SNX7: variants seen among roughly 807,000 people sequenced by gnomAD.
SNX7 encodes the protein sorting nexin 7.
A neutral mutation model predicts 48.4 loss-of-function variants in SNX7; 35 were observed. That is an observed-to-expected ratio of 0.72 (90% CI 0.55 to 0.96). The LOEUF (loss-of-function observed/expected upper bound fraction) is 0.96. SNX7 is among the 40% of genes least tolerant of loss of function. The pLI, the probability that SNX7 is intolerant of heterozygous loss-of-function variation, is 0.00. For synonymous variants in SNX7, 190 were observed against 190.2 expected (o/e 1.00, Z 0.01); for missense variants, 553 against 548.9 (o/e 1.01, Z -0.07).
intron 7 of SNX7, among the ~76,000 whole-genome samples, chr1:98,726,373 G>A (rs1364478042): frequency 2.0e-5 from 3 of 152,170 alleles, no homozygotes; most frequent in Non-Finnish European, 2.9e-5. Context: ...AGTATAATCT[G>A]AGTCTTGACC....
At chr1:98,696,053 T>G (rs947623807) in intron 5 of SNX7, among the ~76,000 whole-genome samples, 2 of 152,200 alleles carry the variant, frequency 1.3e-5, no homozygotes, top group Non-Finnish European at 2.9e-5. Context: ...AAATAGGGTT[T>G]TCATATTTTC....
chr1:98,703,248 C>T (rs1048328466), intron 7 of SNX7, among the ~76,000 whole-genome samples: 3 of 152,088 alleles, frequency 2.0e-5, no homozygotes, highest in Non-Finnish European at 4.4e-5. Context: ...AGGCTTGAAG[C>T]ATGAAGTCTC....
chr1:98,662,786 T>C (rs1570472537), intron 1 of SNX7: 2 of 1,289,376 alleles, frequency 1.6e-6, no homozygotes, highest in South Asian at 1.2e-5. Context: ...CTAAGAAGCC[T>C]GTTCATTTTA....
At chr1:98,667,822 A>G (rs1430006951) in intron 1 of SNX7, among the ~76,000 whole-genome samples, 1 of 151,954 alleles carries the variant, frequency 6.6e-6, no homozygotes, top group African/African-American at 2.4e-5. Flanking sequence ...ACTAATGACG[A>G]TTACATGCCC....
chr1:98,717,032 A>G (rs952829733), intron 7 of SNX7, among the ~76,000 whole-genome samples: 1 of 152,036 alleles, frequency 6.6e-6, no homozygotes, highest in African/African-American at 2.4e-5. Flanking sequence ...CTTGGATTTC[A>G]TAATAAATTG....
intron 1 of SNX7, among the ~76,000 whole-genome samples, chr1:98,679,819 A>G (rs1017188280): frequency 3.0e-4 from 46 of 152,284 alleles, no homozygotes; most frequent in African/African-American, 2.6e-4. Context: ...TTTGCAGGGT[A>G]TAGCCTCCCA....
At position 98,665,978 on chromosome 1, in the gene SNX7, T is replaced by C. The variant is rs970925038; in HGVS notation, c.180+4067T>C. ...ATATGTATATATATATTTTTTTCTT[T>C]GTCAATTTGGAAATTCAGTATAGTG... On this transcript the variant is annotated intron_variant, in intron 1 of 8. Coordinates refer to ENST00000306121, the MANE Select transcript of SNX7 (RefSeq NM_015976.5). Among the ~76,000 whole-genome samples the C allele has an allele frequency of 4.6e-5, 7 of 152,320 alleles. 1 individual carries two copies. The South Asian group carries it at 1.5e-3, about 32-fold the overall frequency.
chr1:98,696,895 G>A (rs1651486482), intron 5 of SNX7, among the ~76,000 whole-genome samples: 1 of 152,038 alleles, frequency 6.6e-6, no homozygotes, highest in Non-Finnish European at 1.5e-5. Flanking sequence ...GTATCAAAGA[G>A]TAATTAAGAT....
chr1:98,716,129 T>C (rs575796757), intron 7 of SNX7, among the ~76,000 whole-genome samples: 33 of 152,282 alleles, frequency 2.2e-4, no homozygotes, highest in African/African-American at 7.2e-4. Flanking sequence ...AATCCCCCTG[T>C]ATATAACCAA....
rs143792422 is a variant in SNX7, at chr1:98,757,486, A to T, written c.1279-2568A>T. On this transcript the variant is annotated intron_variant, in intron 8 of 8. Coordinates refer to ENST00000306121, the MANE Select transcript of SNX7 (RefSeq NM_015976.5). ...TGTGGCCAGATTTCCTCTTCTTATA[A>T]GGACACCAGTCATATTGGATTAGGG... Among the ~76,000 whole-genome samples, 92 of 151,994 alleles carry T rather than the reference A, an allele frequency of 6.1e-4. No individual in the cohort carries two copies. The South Asian group carries it at 0.011, about 19-fold the overall frequency.
intron 8 of SNX7, among the ~76,000 whole-genome samples, chr1:98,739,379 A>C (rs888824997): frequency 2.0e-5 from 3 of 152,210 alleles, no homozygotes; most frequent in South Asian, 2.1e-4. Context: ...TCCGTTTAAA[A>C]GAACTTTAAA....
chr1:98,710,685 A>G (rs1652254187), intron 7 of SNX7, among the ~76,000 whole-genome samples: 1 of 152,178 alleles, frequency 6.6e-6, no homozygotes, highest in Non-Finnish European at 1.5e-5. Context: ...AATAAGAAAT[A>G]TGTCCTAAGG....
Position 98,661,893 on chromosome 1 carries a change from C to G in SNX7, c.162C>G (p.Asp54Glu). 8.0e-7 allele frequency: 1 copy of G among 1,247,402 alleles called. No homozygotes were observed. Among genetic ancestry groups the G allele is most frequent in the Admixed American group, 4.2e-5 (1 of 23,666 alleles). The allele number at this position is 1,247,402 out of a possible 1,614,324, so 77.3% of individuals were successfully genotyped here. A position where few individuals can be genotyped will look rare whatever the true frequency, so the allele number is the denominator to read the frequency against. ...EVLDLDEDED[D>E]LEVFSKDASL... The stretch of plus-strand genomic sequence containing the variant: ...TGGATCTGGACGAGGACGAGGACGA[C>G]CTGGAGGTGTTCAGCAAGGTGAGGG... The change falls in exon 1 of 9, where the codon GAC (aspartate) becomes GAG (glutamate). Residue 54 changes from aspartate to glutamate, a missense_variant. Asp to Glu is a conservative substitution (Grantham distance 45, BLOSUM62 2). Transcript: ENST00000306121.
intron 7 of SNX7, among the ~76,000 whole-genome samples, chr1:98,711,888 T>G (rs2100991525): frequency 6.6e-6 from 1 of 152,336 alleles, no homozygotes; most frequent in South Asian, 2.1e-4. Flanking sequence ...CACTGCTGTA[T>G]CAACTAAGTT....
intron 7 of SNX7, 140 bp from the exon 8 acceptor site, chr1:98,738,097 A>C: frequency 1.2e-6 from 1 of 812,304 alleles, no homozygotes; most frequent in South Asian, 1.9e-5. Flanking sequence ...TAATTAGTAC[A>C]CAGAGTAAAT....
At chr1:98,734,920 G>C (rs1653698347) in intron 7 of SNX7, among the ~76,000 whole-genome samples, 1 of 152,108 alleles carries the variant, frequency 6.6e-6, no homozygotes, top group South Asian at 2.1e-4. Context: ...GTCAGTACTT[G>C]TGAAAAGAAG....
chr1:98,702,120 CT>C (rs1194830829), intron 7 of SNX7, among the ~76,000 whole-genome samples: 2 of 152,032 alleles, frequency 1.3e-5, no homozygotes, highest in Non-Finnish European at 2.9e-5. Context: ...GCCTTTCTGA[CT>C]TATGTCTCAT....
intron 8 of SNX7, among the ~76,000 whole-genome samples, chr1:98,745,949 A>T (rs1345011559): frequency 6.6e-6 from 1 of 152,050 alleles, no homozygotes; most frequent in Non-Finnish European, 1.5e-5. Flanking sequence ...TTAATGATTA[A>T]CCTTGTCCTT....
chr1:98,750,816 T>TA (rs1654544666), intron 8 of SNX7, among the ~76,000 whole-genome samples: 1 of 152,142 alleles, frequency 6.6e-6, no homozygotes, highest in Non-Finnish European at 1.5e-5. Flanking sequence ...ATCTTATATT[T>TA]GGAAATTATA....
Sources: gnomAD v4.1 joint callset for allele counts (sites outside exome capture counted in the v4.1 genomes callset) on GRCh38, gnomAD v4.1.1 for gene constraint, MANE v1.5 for transcripts, NCBI Gene and HGNC (gene_info 2026-07-23, HGNC 2026-07-21) for gene names.